The following DPP4 variants were observed in gnomAD, a reference collection of about 807,000 sequenced individuals.
DPP4 encodes the protein dipeptidyl peptidase 4.
A neutral mutation model predicts 122.4 loss-of-function variants in DPP4; 93 were observed. The ratio of observed to expected loss-of-function variants is 0.76; its 90% CI spans 0.64 to 0.90. DPP4 has a LOEUF of 0.90. DPP4 is among the 40% of genes least tolerant of loss of function. The pLI, the probability that DPP4 is intolerant of heterozygous loss-of-function variation, is 0.00. For synonymous variants in DPP4, 321 were observed against 302.9 expected, an observed-to-expected ratio of 1.06 and a Z score of -0.62; for missense variants, 914 against 907.3, an observed-to-expected ratio of 1.01 and a Z score of -0.09.
chr2:162,021,452 T>C (rs1683124512), intron 12 of DPP4: 2 of 152,256 alleles, frequency 1.3e-5, no homozygotes, highest in Admixed American at 6.5e-5. Context: ...TTTGATTTCC[T>C]AGCTACATTT....
At chr2:162,013,220 A>T (rs1396114096) in intron 19 of DPP4, among the ~76,000 whole-genome samples, 1 of 152,108 alleles carries the variant, frequency 6.6e-6, no homozygotes, top group East Asian at 1.9e-4. Flanking sequence ...ACCATTTTTT[A>T]AAACCTTTTC....
At chr2:162,029,197 A>T (rs1289602662) in intron 10 of DPP4, among the ~76,000 whole-genome samples, 1 of 152,258 alleles carries the variant, frequency 6.6e-6, no homozygotes, top group Non-Finnish European at 1.5e-5. Context: ...TAAGCATTTA[A>T]TAAATGTTTG....
chr2:162,021,046 TA>T (rs1166908786), intron 12 of DPP4, among the ~76,000 whole-genome samples: 1 of 152,204 alleles, frequency 6.6e-6, no homozygotes, highest in Non-Finnish European at 1.5e-5. Flanking sequence ...TTTGGAGCAG[TA>T]AATTTCCTCA....
At chr2:162,059,701 C>A (rs1684695652) in intron 2 of DPP4, among the ~76,000 whole-genome samples, 1 of 152,204 alleles carries the variant, frequency 6.6e-6, no homozygotes, top group African/African-American at 2.4e-5. Context: ...TTGTGACAAG[C>A]ATTTGTCATC....
At chr2:162,053,410 C>T (rs754676923) in intron 2 of DPP4, among the ~76,000 whole-genome samples, 13 of 151,742 alleles carry the variant, frequency 8.6e-5, no homozygotes, top group East Asian at 1.9e-4. Context: ...AATACACCAA[C>T]GATAGCTGAA....
chr2:162,063,712 G>A (rs115719986), intron 2 of DPP4, among the ~76,000 whole-genome samples: 4,374 of 133,986 alleles, frequency 0.033, 112 homozygotes, highest in South Asian at 0.049. Context: ...TATTCCAGGA[G>A]GCTTAAGAGA....
chr2:161,995,058 A>C (rs975671800), intron 24 of DPP4, 24 bp from the exon 25 acceptor site: 2 of 1,613,228 alleles, frequency 1.2e-6, no homozygotes, highest in African/African-American at 2.7e-5. Context: ...AAGGAAACAT[A>C]AAGTAGCTAA....
chr2:161,994,999 T>A lies in DPP4; in HGVS notation c.2161A>T (p.Lys721Ter). Residue 721 changes from lysine (K) to a stop codon, truncating the protein, a stop_gained, in exon 25 of 26, where the codon AAA (lysine) becomes TAA (stop). Coordinates refer to ENST00000360534, the MANE Select transcript of DPP4 (RefSeq NM_001935.4). LOFTEE classifies it high-confidence loss of function. ...TCCACTCCAACATCGACCAGGGCTTTGGAGATCTGAGCTGACTGCTGAAAG... is the reference window on the plus strand; with the variant it reads ...TCCACTCCAACATCGACCAGGGCTTAGGAGATCTGAGCTGACTGCTGAAAG... ...VHFQQSAQIS[K>*]ALVDVGVDFQ... 1 of 1,614,058 alleles carries A rather than the reference T, an allele frequency of 6.2e-7. No individual in the cohort carries two copies. The highest frequency in any genetic ancestry group is 8.5e-7 in the Non-Finnish European group (1 of 1,179,966).
intron 2 of DPP4, among the ~76,000 whole-genome samples, chr2:162,072,750 C>A (rs1254092001): frequency 6.6e-6 from 1 of 152,180 alleles, no homozygotes; most frequent in Non-Finnish European, 1.5e-5. Flanking sequence ...ACATGAAAGT[C>A]CTTAAATAAA....
chr2:161,998,354 A>G (rs927264869), intron 23 of DPP4, among the ~76,000 whole-genome samples: 1 of 152,110 alleles, frequency 6.6e-6, no homozygotes, highest in African/African-American at 2.4e-5. Flanking sequence ...GATCCTTTCC[A>G]CTAGCCATGC....
chr2:162,063,527 G>C (rs1488807695), intron 2 of DPP4, among the ~76,000 whole-genome samples: 1 of 152,050 alleles, frequency 6.6e-6, no homozygotes, highest in African/African-American at 2.4e-5. Flanking sequence ...ACTGCACAGT[G>C]AGGTAGAAGG....
At chr2:162,057,916 G>A (rs1365583715) in intron 2 of DPP4, among the ~76,000 whole-genome samples, 1 of 152,108 alleles carries the variant, frequency 6.6e-6, no homozygotes, top group Non-Finnish European at 1.5e-5. Context: ...GCAACTACAG[G>A]CATGTGCCAC....
At chr2:162,065,119 T>A (rs537061235) in intron 2 of DPP4, among the ~76,000 whole-genome samples, 12 of 152,152 alleles carry the variant, frequency 7.9e-5, no homozygotes, top group Non-Finnish European at 5.9e-5. Context: ...GAGTCTTGAG[T>A]AGTCTGGTTC....
intron 2 of DPP4, among the ~76,000 whole-genome samples, chr2:162,051,371 G>A (rs1684376704): frequency 6.6e-6 from 1 of 152,170 alleles, no homozygotes; most frequent in Non-Finnish European, 1.5e-5. Flanking sequence ...AAGATATTTT[G>A]AATATTGTCA....
At chr2:162,002,362 CTTAT>C (rs998810135) in intron 23 of DPP4, among the ~76,000 whole-genome samples, 2 of 152,154 alleles carry the variant, frequency 1.3e-5, no homozygotes, top group Admixed American at 6.5e-5. Context: ...AAATCCTTTA[CTTAT>C]TTGAGTTTTA....
intron 23 of DPP4, among the ~76,000 whole-genome samples, chr2:162,001,514 C>T (rs1449049862): frequency 6.6e-6 from 1 of 152,196 alleles, no homozygotes; most frequent in Non-Finnish European, 1.5e-5. Context: ...TTTTATTTCT[C>T]TTCCAAAATA....
At chr2:162,033,107 T>G (rs1308229673) in intron 10 of DPP4, among the ~76,000 whole-genome samples, 1 of 152,150 alleles carries the variant, frequency 6.6e-6, no homozygotes, top group Non-Finnish European at 1.5e-5. Context: ...CCCCTGCTAT[T>G]GGTGTGGATG....
rs201337675 is a variant in DPP4, at chr2:161,993,241, A to C, written c.*42T>G. 6 of 1,468,472 alleles carry C rather than the reference A, an allele frequency of 4.1e-6. No individual in the cohort carries two copies. 91.0% of individuals were successfully genotyped at this position (1,468,472 alleles called of 1,614,324 possible). A position where few individuals can be genotyped will look rare whatever the true frequency, so the allele number is the denominator to read the frequency against. ...CAGTTTTGAGATAATGAAAACAAAA[A>C]TGAGTTTTAATAAGCTTTAAATGGC... is the stretch of plus-strand genomic sequence containing the variant. On this transcript the variant is annotated 3_prime_UTR_variant, in exon 26 of 26. Coordinates refer to ENST00000360534, the MANE Select transcript of DPP4 (RefSeq NM_001935.4).
intron 2 of DPP4, among the ~76,000 whole-genome samples, chr2:162,065,530 A>T (rs951474186): frequency 5.9e-5 from 9 of 152,216 alleles, no homozygotes; most frequent in African/African-American, 2.2e-4. Flanking sequence ...ATAAAACGCT[A>T]TCATTCAAAT....
Sources: gnomAD v4.1 joint callset for allele counts (sites outside exome capture counted in the v4.1 genomes callset) on GRCh38, gnomAD v4.1.1 for gene constraint, MANE v1.5 for transcripts, NCBI Gene and HGNC (gene_info 2026-07-23, HGNC 2026-07-21) for gene names.